Variants in RNF111 observed in about 807,000 individuals in gnomAD.
RNF111 encodes E3 ubiquitin-protein ligase Arkadia.
A neutral mutation model predicts 95.1 loss-of-function variants in RNF111; 17 were observed. The observed-to-expected ratio is 0.18, with a 90% CI of 0.12 to 0.27. The LOEUF is 0.27. RNF111 is among the 10% of genes least tolerant of loss of function. The pLI, the probability that RNF111 is intolerant of heterozygous loss-of-function variation, is 1.00. For synonymous variants in RNF111, 440 were observed against 414.8 expected (o/e 1.06, Z -0.74); for missense variants, 1,189 against 1,210.4 (o/e 0.98, Z 0.26).
At chr15:59,083,783 A>C (rs1442681963) in intron 8 of RNF111, among the ~76,000 whole-genome samples, 1 of 152,006 alleles carries the variant, frequency 6.6e-6, no homozygotes, top group Non-Finnish European at 1.5e-5. Flanking sequence ...TGGGGTATTT[A>C]ATTTTTAAAA....
chr15:58,991,299 C>A (rs2141351835), intron 1 of RNF111, among the ~76,000 whole-genome samples: 1 of 151,908 alleles, frequency 6.6e-6, no homozygotes, highest in East Asian at 1.9e-4. Context: ...TGAAAAAAAA[C>A]AAAACAACAA....
intron 2 of RNF111, among the ~76,000 whole-genome samples, chr15:59,043,693 A>G (rs1019137957): frequency 6.6e-6 from 1 of 152,188 alleles, no homozygotes. Flanking sequence ...TCTGTTGGAA[A>G]GATACCAACA....
chr15:59,092,195 T>C (rs1364251325), intron 12 of RNF111, among the ~76,000 whole-genome samples: 1 of 152,150 alleles, frequency 6.6e-6, no homozygotes, highest in Non-Finnish European at 1.5e-5. Flanking sequence ...ACTTGAAACA[T>C]TCACTAATAA....
rs762732684 is a variant in RNF111, at chr15:59,081,234, A to G, written c.2247A>G (p.Glu749=). 6 of 1,614,150 alleles carry G rather than the reference A, an allele frequency of 3.7e-6. No homozygotes were observed. Among genetic ancestry groups the G allele is most frequent in the Non-Finnish European group, 4.2e-6 (5 of 1,180,030 alleles). The change falls in exon 8 of 14, where the codon GAA becomes GAG. Residue 749 remains glutamate (E), a synonymous_variant. Transcript: ENST00000348370. ...APPAQRLHPH[E]VMQRMEVQRR... is the part of the protein sequence containing the mutation. ...CAGCACAGAGACTGCATCCTCATGA[A>G]GTGATGCAGAGGATGGAAGTTCAAA...
chr15:59,012,403 TATCTGTTCTC>T (rs1258186766), intron 1 of RNF111, among the ~76,000 whole-genome samples: 1 of 152,194 alleles, frequency 6.6e-6, no homozygotes, highest in African/African-American at 2.4e-5. Context: ...AAGTACTACT[TATCTGTTCTC>T]ATTTAATAGT....
At chr15:58,989,151 A>G (rs1396054084) in intron 1 of RNF111, among the ~76,000 whole-genome samples, 2 of 152,204 alleles carry the variant, frequency 1.3e-5, no homozygotes, top group African/African-American at 2.4e-5. Context: ...TACAGTAAAG[A>G]TACATCTTTT....
intron 2 of RNF111, among the ~76,000 whole-genome samples, chr15:59,043,557 A>G (rs2041569012): frequency 6.6e-6 from 1 of 152,222 alleles, no homozygotes; most frequent in Non-Finnish European, 1.5e-5. Flanking sequence ...CTATAAGGCT[A>G]GTGAGCAGGC....
At chr15:59,009,140 A>T (rs1390289660) in intron 1 of RNF111, among the ~76,000 whole-genome samples, 1 of 151,872 alleles carries the variant, frequency 6.6e-6, no homozygotes, top group African/African-American at 2.4e-5. Context: ...TTGTATTTTT[A>T]GTAGAGATGG....
At chr15:59,062,907 A>G (rs759278946) in intron 5 of RNF111, among the ~76,000 whole-genome samples, 1 of 152,194 alleles carries the variant, frequency 6.6e-6, no homozygotes, top group African/African-American at 2.4e-5. Context: ...ATTTAGCAGC[A>G]TCCTTGGTTT....
chr15:59,066,870 A>G lies in RNF111; in HGVS notation c.1473A>G (p.Ser491=), dbSNP rs2042680181. The G allele has an allele frequency of 1.9e-6, 3 of 1,613,938 alleles. No individual in the cohort carries two copies. Among genetic ancestry groups the G allele is most frequent in the Non-Finnish European group, 2.5e-6 (3 of 1,180,020 alleles). ...AGCACTCACCATGTGGAGGGTCGTC[A>G]CAGAACCACCATGCATTAGGACATC... ...CPQHSPCGGS[S]QNHHALGHPH... is the part of the protein sequence containing the mutation. Residue 491 remains serine (S), a synonymous_variant, in exon 6 of 14, where the codon TCA becomes TCG. Coordinates refer to ENST00000348370, the MANE Select transcript of RNF111 (RefSeq NM_017610.8).
intron 5 of RNF111, among the ~76,000 whole-genome samples, chr15:59,061,522 AT>A (rs1274828850): frequency 1.3e-5 from 2 of 152,174 alleles, no homozygotes; most frequent in Non-Finnish European, 2.9e-5. Context: ...CCCAGGGGAA[AT>A]TTTAAAAAAA....
rs745576587 is a variant in RNF111, at chr15:59,084,283, T to A, written c.2423+29T>A. The A allele has an allele frequency of 3.2e-6, 5 of 1,548,424 alleles. No individual in the cohort carries two copies. In the Admixed American group the frequency reaches 9.7e-5, roughly 30 times the overall value. ...AGTATCTTCTTTAATTTCAAAACAGTGCTTCACAGCTTGTGGTAAAACTAT... is the reference window on the plus strand; with the variant it reads ...AGTATCTTCTTTAATTTCAAAACAGAGCTTCACAGCTTGTGGTAAAACTAT... On this transcript the variant is annotated intron_variant, in intron 9 of 13. Transcript: ENST00000348370.
intron 1 of RNF111, among the ~76,000 whole-genome samples, chr15:58,989,471 GA>G (rs1310651349): frequency 3.3e-5 from 5 of 152,134 alleles, no homozygotes; most frequent in Non-Finnish European, 7.4e-5. Context: ...AATATTTTAG[GA>G]AAAAGTAGGA....
chr15:59,008,634 A>G (rs1171765505), intron 1 of RNF111, among the ~76,000 whole-genome samples: 1 of 152,176 alleles, frequency 6.6e-6, no homozygotes. Flanking sequence ...TCCTTACACC[A>G]ATAGCCCCAG....
chr15:59,064,528 T>G (rs1223391069), intron 5 of RNF111, among the ~76,000 whole-genome samples: 4 of 135,952 alleles, frequency 2.9e-5, no homozygotes, highest in Middle Eastern at 3.7e-3. Context: ...AGAGCAAGAC[T>G]TTGTCGCAAA....
chr15:59,094,917 T>C lies in RNF111; in HGVS notation c.*17T>C, dbSNP rs767520088. The C allele has an allele frequency of 7.1e-7, 1 of 1,408,236 alleles. No homozygotes were observed. Among genetic ancestry groups the C allele is most frequent in the Non-Finnish European group, 1.0e-6 (1 of 992,340 alleles). 87.2% of individuals were successfully genotyped at this position (1,408,236 alleles called of 1,614,324 possible). On this transcript the variant is annotated 3_prime_UTR_variant, in exon 14 of 14. Coordinates refer to ENST00000348370, the MANE Select transcript of RNF111 (RefSeq NM_017610.8). ...GAAAGTTGACACCATGTTTCAGAAC[T>C]CTTGCCCTCCCTCTCATTCCCATCC...
At chr15:59,052,569 ATTT>A in intron 3 of RNF111, 138 bp downstream of exon 3, 3,596 of 246,772 alleles carry the variant, frequency 0.015, no homozygotes, top group Middle Eastern at 0.026. Flanking sequence ...AGATTAGTGG[ATTT>A]TTTTTTTTTT....
chr15:59,002,735 T>G (rs1297723216), intron 1 of RNF111, among the ~76,000 whole-genome samples: 1 of 152,224 alleles, frequency 6.6e-6, no homozygotes, highest in Non-Finnish European at 1.5e-5. Flanking sequence ...CTACCTGATC[T>G]GGCCCTGACT....
chr15:59,067,909 G>C (rs2042736871), intron 6 of RNF111, among the ~76,000 whole-genome samples: 1 of 152,128 alleles, frequency 6.6e-6, no homozygotes, highest in Non-Finnish European at 1.5e-5. Context: ...GAGGTTTTCA[G>C]TTTATGGAGA....
Sources: gnomAD v4.1 joint callset for allele counts (sites outside exome capture counted in the v4.1 genomes callset) on GRCh38, gnomAD v4.1.1 for gene constraint, MANE v1.5 for transcripts, NCBI Gene and HGNC (gene_info 2026-07-23, HGNC 2026-07-21) for gene names.